Variants in SCEL observed in about 807,000 individuals in gnomAD.
SCEL encodes the protein sciellin.
In SCEL, 113 loss-of-function variants were observed where a neutral mutation model predicts 117.6. That is an observed-to-expected ratio of 0.96 (90% CI 0.83 to 1.12). SCEL has a LOEUF of 1.12. SCEL is among the 50% of genes most tolerant of loss of function. The probability of loss-of-function intolerance (pLI) is 0.00; values close to 1 mark genes in which losing one functional copy is unlikely to be tolerated. For missense variants in SCEL, 785 were observed against 810.8 expected (o/e 0.97, Z 0.39); for synonymous variants, 270 against 256.2 (o/e 1.05, Z -0.51).
intron 10 of SCEL, among the ~76,000 whole-genome samples, chr13:77,590,229 G>A (rs567775661): frequency 1.3e-5 from 2 of 152,154 alleles, no homozygotes; most frequent in South Asian, 4.1e-4. Flanking sequence ...TGTAGCAATA[G>A]GTGTTAAAAC....
chr13:77,590,688 A>G (rs9600897), intron 10 of SCEL, among the ~76,000 whole-genome samples: 74,847 of 151,856 alleles, frequency 0.49, 20,569 homozygotes, highest in Middle Eastern at 0.63. Flanking sequence ...ATGTTTTTTT[A>G]AAGTCCTGAC....
chr13:77,634,300 A>G (rs1421587662), intron 28 of SCEL, 79 bp from the exon 29 acceptor site: 9 of 1,133,024 alleles, frequency 7.9e-6, no homozygotes, highest in Non-Finnish European at 1.2e-5. Context: ...TACATTTTGC[A>G]TTGAATTAGA....
At chr13:77,643,029 T>C (rs2090634026) in intron 32 of SCEL, among the ~76,000 whole-genome samples, 1 of 152,160 alleles carries the variant, frequency 6.6e-6, no homozygotes, top group Admixed American at 6.6e-5. Flanking sequence ...TAGATACAAC[T>C]AAACCAAAGG....
intron 13 of SCEL, 91 bp downstream of exon 13, chr13:77,597,680 C>T: frequency 1.7e-6 from 1 of 596,372 alleles, no homozygotes; most frequent in Non-Finnish European, 2.9e-6. Flanking sequence ...GACCCACATA[C>T]CAGGGTAGTC....
intron 15 of SCEL, among the ~76,000 whole-genome samples, chr13:77,601,031 A>G (rs1038409956): frequency 6.6e-6 from 1 of 152,226 alleles, no homozygotes. Flanking sequence ...CTTGTTAATA[A>G]CATATGATTA....
chr13:77,640,969 A>C (rs534108307), intron 31 of SCEL, among the ~76,000 whole-genome samples, 185 bp downstream of exon 31: 1 of 152,294 alleles, frequency 6.6e-6, no homozygotes, highest in Admixed American at 6.5e-5. Flanking sequence ...TGTAATTACT[A>C]TCTTGGCTTT....
chr13:77,549,397 C>T (rs1327562696), intron 1 of SCEL, among the ~76,000 whole-genome samples: 1 of 152,126 alleles, frequency 6.6e-6, no homozygotes, highest in Non-Finnish European at 1.5e-5. Flanking sequence ...ATTGAAATAA[C>T]AGAGAACACA....
chr13:77,596,688 G>GGTGTGTGTGTGTGT lies in SCEL; in HGVS notation c.753-835_753-822dup, dbSNP rs71102762. 2.5e-4 allele frequency among the ~76,000 whole-genome samples: 36 copies of GGTGTGTGTGTGTGT among 145,466 alleles called. 1 individual carries two copies. Among genetic ancestry groups the GGTGTGTGTGTGTGT allele is most frequent in the Non-Finnish European group, 3.5e-4 (23 of 66,026 alleles). On this transcript the variant is annotated intron_variant, in intron 12 of 32. Transcript: ENST00000349847. ...GAGGAAGGCAAGAGAGGTGGGGCAA[G>GGTGTGTGTGTGTGT]GTGTGTGTGTGTGTGTGTGTGTGTG...
chr13:77,582,053 C>T (rs953950994), intron 9 of SCEL, among the ~76,000 whole-genome samples: 4 of 152,058 alleles, frequency 2.6e-5, no homozygotes, highest in African/African-American at 4.8e-5. Context: ...AAAGGACCAA[C>T]ATTTTGCTTG....
chr13:77,600,119 G>A, intron 15 of SCEL: 1 of 174,820 alleles, frequency 5.7e-6, no homozygotes, highest in South Asian at 1.6e-4. Context: ...GGTGCTGGGA[G>A]CATAGCCCCT....
At chr13:77,631,983 C>T (rs1185837784) in intron 28 of SCEL, among the ~76,000 whole-genome samples, 1 of 152,230 alleles carries the variant, frequency 6.6e-6, no homozygotes, top group East Asian at 1.9e-4. Context: ...TGGCCACCTT[C>T]TCACTGTGTA....
At chr13:77,536,660 T>C (rs2083435801) in intron 1 of SCEL, among the ~76,000 whole-genome samples, 1 of 152,236 alleles carries the variant, frequency 6.6e-6, no homozygotes, top group Non-Finnish European at 1.5e-5. Context: ...CTGACTTGTG[T>C]TTTTTCTCAT....
intron 3 of SCEL, among the ~76,000 whole-genome samples, chr13:77,557,608 G>A (rs1395358043): frequency 6.6e-6 from 1 of 152,148 alleles, no homozygotes; most frequent in African/African-American, 2.4e-5. Flanking sequence ...ATTTTAACAT[G>A]GCCCATTGTT....
chr13:77,541,164 G>C (rs1339304637), intron 1 of SCEL, among the ~76,000 whole-genome samples: 2 of 151,966 alleles, frequency 1.3e-5, no homozygotes, highest in Non-Finnish European at 2.9e-5. Context: ...AAAGATGAAT[G>C]TTCCTGACAT....
At chr13:77,556,274 T>C (rs530075790) in intron 2 of SCEL, among the ~76,000 whole-genome samples, 2 of 152,258 alleles carry the variant, frequency 1.3e-5, no homozygotes, top group South Asian at 2.1e-4. Flanking sequence ...ATATTTCTTA[T>C]GGGGTAAAAA....
Position 77,612,880 on chromosome 13 carries a change from C to T in SCEL, c.1338-11C>T, listed in dbSNP as rs776924960. ...AGTTGACTTAGCTATTGAAACTTAA[C>T]ATTTTTTTAGGAACCAAGACTTGGA... is the stretch of plus-strand genomic sequence containing the variant. On this transcript the variant is annotated splice_polypyrimidine_tract_variant and intron_variant, in intron 22 of 32. Coordinates refer to ENST00000349847, the MANE Select transcript of SCEL (RefSeq NM_144777.3). The T allele has an allele frequency of 2.0e-6, 3 of 1,513,936 alleles. No homozygotes were observed. Among genetic ancestry groups the T allele is most frequent in the South Asian group, 1.3e-5 (1 of 79,380 alleles). The allele number at this position is 1,513,936 out of a possible 1,614,324, so 93.8% of individuals were successfully genotyped here. A position where few individuals can be genotyped will look rare whatever the true frequency, so the allele number is the denominator to read the frequency against.
At chr13:77,611,037 C>A (rs1314344304) in intron 22 of SCEL, among the ~76,000 whole-genome samples, 1 of 152,138 alleles carries the variant, frequency 6.6e-6, no homozygotes, top group Non-Finnish European at 1.5e-5. Flanking sequence ...GATTTCCTAT[C>A]TTATTTTGCA....
rs761561311 is a variant in SCEL, at chr13:77,593,591, T to C, written c.752+18T>C. The C allele has an allele frequency of 9.3e-6, 15 of 1,605,930 alleles. No individual in the cohort carries two copies. In the East Asian group the frequency reaches 3.3e-4, roughly 36 times the overall value. ...GACAAAGGGTGAGATCTCAGAGCTT[T>C]TGAGCTTGGGTTTTATCTTCCCTGG... On this transcript the variant is annotated intron_variant, in intron 12 of 32. Transcript: ENST00000349847.
chr13:77,588,954 C>T lies in SCEL; in HGVS notation c.546-190C>T, dbSNP rs145814169. Among the ~76,000 whole-genome samples the T allele has an allele frequency of 2.5e-3, 377 of 152,270 alleles. 2 individuals carry two copies. The highest frequency in any genetic ancestry group is 8.3e-3 in the African/African-American group (346 of 41,564). ...CCTGATTAAATAAACTTTAAAAATA[C>T]ACATATTTTCAATATTTGACTTCTT... On this transcript the variant is annotated intron_variant, in intron 9 of 32. Transcript: ENST00000349847.
Sources: allele counts gnomAD v4.1 joint callset (sites outside exome capture counted in the v4.1 genomes callset), GRCh38; gene constraint gnomAD v4.1.1; transcripts MANE v1.5; gene names NCBI Gene and HGNC (gene_info 2026-07-23, HGNC 2026-07-21).